The following TASP1 variants were observed in gnomAD, a reference collection of about 807,000 sequenced individuals.
TASP1 encodes the protein taspase 1, also known as threonine aspartase 1.
Under a neutral mutation model 56.6 loss-of-function variants are expected in TASP1, and 16 were observed. The observed-to-expected ratio is 0.28, with a 90% CI of 0.19 to 0.43. TASP1 has a LOEUF of 0.43. TASP1 is among the 20% of genes least tolerant of loss of function. The probability of loss-of-function intolerance (pLI) is 1.00; values close to 1 mark genes in which losing one functional copy is unlikely to be tolerated. For synonymous variants in TASP1, 179 were observed against 184.2 expected (o/e 0.97, Z 0.23); for missense variants, 393 against 511.6 (o/e 0.77, Z 2.24).
intron 11 of TASP1, among the ~76,000 whole-genome samples, chr20:13,443,512 A>C (rs2146249230): frequency 6.6e-6 from 1 of 152,354 alleles, no homozygotes; most frequent in African/African-American, 2.4e-5. Context: ...TAATAATCTC[A>C]ACTAGATCCC....
chr20:13,383,346 C>T, the TASP1 span, among the ~76,000 whole-genome samples: 2 of 152,162 alleles, frequency 1.3e-5, no homozygotes, highest in Admixed American at 1.3e-4. Flanking sequence ...TAGATTCAGC[C>T]TACACTTTAA....
At chr20:13,346,693 C>A in the TASP1 span, among the ~76,000 whole-genome samples, 130 of 152,350 alleles carry the variant, frequency 8.5e-4, no homozygotes, top group South Asian at 1.7e-3. Context: ...AAACTGGCGG[C>A]CCCAGACCTC....
intron 12 of TASP1, among the ~76,000 whole-genome samples, chr20:13,422,033 G>C (rs2042456348): frequency 6.9e-6 from 1 of 144,418 alleles, no homozygotes; most frequent in East Asian, 2.1e-4. Context: ...CTCACTGCAA[G>C]CTCTGCCTCC....
At chr20:13,581,070 A>G in intron 5 of TASP1, 89 bp from the exon 6 acceptor site, 1 of 1,159,350 alleles carries the variant, frequency 8.6e-7, no homozygotes, top group Non-Finnish European at 1.2e-6. Context: ...CAATAAAACA[A>G]CTTGAATATA....
the TASP1 span, among the ~76,000 whole-genome samples, chr20:13,277,142 AG>A: frequency 6.6e-6 from 1 of 152,060 alleles, no homozygotes; most frequent in African/African-American, 2.4e-5. Context: ...AGCAGTTTGG[AG>A]AAAAAAAAAA....
At chr20:13,104,923 A>G in the TASP1 span, among the ~76,000 whole-genome samples, 1 of 152,118 alleles carries the variant, frequency 6.6e-6, no homozygotes, top group African/African-American at 2.4e-5. Context: ...AAAAACAAAA[A>G]CCTAACAGTC....
chr20:13,139,408 A>T, the TASP1 span, among the ~76,000 whole-genome samples: 1 of 152,208 alleles, frequency 6.6e-6, no homozygotes, highest in Non-Finnish European at 1.5e-5. Flanking sequence ...TTTTCCTAAC[A>T]TAAAGTCCAA....
At chr20:13,175,703 C>T in the TASP1 span, among the ~76,000 whole-genome samples, 1 of 152,348 alleles carries the variant, frequency 6.6e-6, no homozygotes, top group East Asian at 1.9e-4. Flanking sequence ...TAAACATGTT[C>T]TGTGCTGGTA....
At chr20:13,434,286 T>C (rs1228482074) in intron 12 of TASP1, among the ~76,000 whole-genome samples, 2 of 152,210 alleles carry the variant, frequency 1.3e-5, no homozygotes, top group Non-Finnish European at 2.9e-5. Context: ...AAATAACAAA[T>C]AGTGCCCCTG....
At chr20:13,190,339 A>C in the TASP1 span, among the ~76,000 whole-genome samples, 1 of 152,176 alleles carries the variant, frequency 6.6e-6, no homozygotes, top group Non-Finnish European at 1.5e-5. Flanking sequence ...ATATACTGTA[A>C]AGCTATAGTA....
chr20:13,571,340 T>C (rs956846227), intron 6 of TASP1, among the ~76,000 whole-genome samples: 8 of 152,208 alleles, frequency 5.3e-5, no homozygotes, highest in African/African-American at 1.9e-4. Flanking sequence ...CTAAAAACTA[T>C]ACTGACATGT....
rs532713443 is a variant in TASP1 at position 13,613,420 on chromosome 20, C to T, written c.282+10026G>A. Reference sequence around the variant, plus strand: ...TTGTGCCGAAAACACAGAAAACATGCAGTTCCCATATAGCAGAGGGTGATC... The same window carrying T: ...TTGTGCCGAAAACACAGAAAACATGTAGTTCCCATATAGCAGAGGGTGATC... On this transcript the variant is annotated intron_variant, in intron 4 of 13. Transcript: ENST00000337743. 1.3e-3 allele frequency among the ~76,000 whole-genome samples: 192 copies of T among 152,146 alleles called. 1 individual carries two copies. Among genetic ancestry groups the T allele is most frequent in the African/African-American group, 4.3e-3 (178 of 41,538 alleles).
the TASP1 span, chr20:13,368,537 C>T: frequency 6.6e-5 from 10 of 152,254 alleles, no homozygotes; most frequent in African/African-American, 2.4e-4. Context: ...GAGGGCTGCT[C>T]CAGGGAATGT....
At chr20:13,283,893 G>C in the TASP1 span, among the ~76,000 whole-genome samples, 2 of 151,924 alleles carry the variant, frequency 1.3e-5, no homozygotes, top group Non-Finnish European at 2.9e-5. Context: ...GTTTAATTAT[G>C]GCCACGTAAG....
the TASP1 span, among the ~76,000 whole-genome samples, chr20:13,222,234 T>C: frequency 5.9e-5 from 9 of 152,002 alleles, no homozygotes; most frequent in Non-Finnish European, 1.3e-4. Context: ...AGAATGTGCT[T>C]GCTTGGGGGT....
At chr20:13,468,260 T>G (rs1239355224) in intron 11 of TASP1, among the ~76,000 whole-genome samples, 1 of 152,168 alleles carries the variant, frequency 6.6e-6, no homozygotes, top group Non-Finnish European at 1.5e-5. Flanking sequence ...AACTCAGAAG[T>G]GTGGTAAAAT....
At chr20:13,585,856 C>T (rs1000561599) in intron 5 of TASP1, among the ~76,000 whole-genome samples, 4 of 152,100 alleles carry the variant, frequency 2.6e-5, no homozygotes, top group African/African-American at 9.7e-5. Flanking sequence ...CATACGTGGC[C>T]AGGCACAGTG....
intron 4 of TASP1, among the ~76,000 whole-genome samples, chr20:13,616,439 T>C (rs1437341115): frequency 6.6e-6 from 1 of 152,136 alleles, no homozygotes; most frequent in East Asian, 1.9e-4. Flanking sequence ...CCAGGATGAA[T>C]ATATCTGATG....
At chr20:13,464,900 T>C (rs889007529) in intron 11 of TASP1, among the ~76,000 whole-genome samples, 1 of 152,058 alleles carries the variant, frequency 6.6e-6, no homozygotes, top group African/African-American at 2.4e-5. Context: ...CAGTGACTCA[T>C]GCCTGTAATC....
Sources: allele counts gnomAD v4.1 joint callset (sites outside exome capture counted in the v4.1 genomes callset), GRCh38; gene constraint gnomAD v4.1.1; transcripts MANE v1.5; gene names NCBI Gene and HGNC (gene_info 2026-07-23, HGNC 2026-07-21).